Variants in FAM135B observed in about 807,000 individuals in gnomAD.
FAM135B encodes the protein family with sequence similarity 135 member B, also known as protein FAM135B.
In FAM135B, 43 loss-of-function variants were observed where a neutral mutation model predicts 127.7. The observed-to-expected ratio is 0.34, with a 90% CI of 0.26 to 0.43. The LOEUF (loss-of-function observed/expected upper bound fraction) is 0.43. FAM135B is among the 20% of genes least tolerant of loss of function. The pLI, the probability that FAM135B is intolerant of heterozygous loss-of-function variation, is 1.00. For synonymous variants in FAM135B, 670 were observed against 665.1 expected (o/e 1.01, Z -0.11); for missense variants, 1,558 against 1,725.6 (o/e 0.90, Z 1.72).
intron 11 of FAM135B, among the ~76,000 whole-genome samples, chr8:138,172,410 C>T (rs1351296807): frequency 6.6e-6 from 1 of 152,190 alleles, no homozygotes; most frequent in East Asian, 1.9e-4. Flanking sequence ...AATGCACTGT[C>T]CTCCTGGGCT....
chr8:138,489,358 G>T (rs1405675233), intron 1 of FAM135B, among the ~76,000 whole-genome samples: 11 of 152,102 alleles, frequency 7.2e-5, no homozygotes, highest in Non-Finnish European at 1.2e-4. Context: ...TGTATGTCAA[G>T]ATTCTACTGA....
rs546824082 is a variant in FAM135B at position 138,418,594 on chromosome 8, A to T, written c.-19-50592T>A. Among the ~76,000 whole-genome samples the T allele has an allele frequency of 1.7e-4, 26 of 152,272 alleles. 1 individual carries two copies. The South Asian group carries it at 5.2e-3, about 30-fold the overall frequency. The stretch of plus-strand genomic sequence containing the variant: ...AGGATCTCCATCAGACTACCAGCAG[A>T]ACTCTCAGCAAAAGCCTTACAAGAC... On this transcript the variant is annotated intron_variant, in intron 1 of 19. Transcript: ENST00000395297.
At position 138,478,822 on chromosome 8, in the gene FAM135B, A is replaced by T. The variant is rs149545641; in HGVS notation, c.-20+17849T>A. ...ACCATTTTTCAATACACTCACAGAT[A>T]AAACATCTCTGCCGGCAGATGTGTT... On this transcript the variant is annotated intron_variant, in intron 1 of 19. Coordinates refer to ENST00000395297, the MANE Select transcript of FAM135B (RefSeq NM_015912.4). 2.8e-3 allele frequency among the ~76,000 whole-genome samples: 420 copies of T among 152,336 alleles called. 3 individuals carry two copies. The highest frequency in any genetic ancestry group is 9.7e-3 in the African/African-American group (405 of 41,580).
chr8:138,445,430 C>T (rs1333090835), intron 1 of FAM135B, among the ~76,000 whole-genome samples: 1 of 152,160 alleles, frequency 6.6e-6, no homozygotes, highest in African/African-American at 2.4e-5. Context: ...CCAAATCCAG[C>T]AGCACATCAA....
Position 138,152,595 on chromosome 8 carries a change from T to C in FAM135B, c.1880A>G (p.Lys627Arg), listed in dbSNP as rs369582133. 1.2e-5 allele frequency: 19 copies of C among 1,614,104 alleles called. No homozygotes were observed. Among genetic ancestry groups the C allele is most frequent in the East Asian group, 4.5e-5 (2 of 44,872 alleles). Residue 627 changes from lysine to arginine, a missense_variant, in exon 13 of 20, where the codon AAG becomes AGG. Around this residue, in one of 5 missense-constraint regions of FAM135B, gnomAD observed 923 missense variants for 865.3 expected, o/e 1.07. Transcript: ENST00000395297. ...TLGKGIDQEG[K>R]MVLLSLKLTP... The stretch of plus-strand genomic sequence containing the variant: ...GAGTTTCAAGCTTAGCAGCACCATC[T>C]TCCCCTCTTGATCTATTCCCTTTCC...
At chr8:138,450,405 T>G (rs1836422277) in intron 1 of FAM135B, 1 of 152,220 alleles carries the variant, frequency 6.6e-6, no homozygotes, top group South Asian at 2.1e-4. Flanking sequence ...TATGCTTAGT[T>G]TTGTAAGGAA....
intron 1 of FAM135B, chr8:138,437,960 A>C (rs1313861206): frequency 2.0e-5 from 3 of 152,210 alleles, no homozygotes; most frequent in Non-Finnish European, 4.4e-5. Context: ...TGATGTGCTA[A>C]TGCTGAAATC....
intron 7 of FAM135B, among the ~76,000 whole-genome samples, chr8:138,210,174 T>C (rs911259686): frequency 1.4e-4 from 21 of 152,222 alleles, no homozygotes; most frequent in African/African-American, 4.6e-4. Flanking sequence ...TGTGTCTGTC[T>C]CTACTTTGAA....
At chr8:138,447,648 C>A (rs1836258584) in intron 1 of FAM135B, among the ~76,000 whole-genome samples, 2 of 112,408 alleles carry the variant, frequency 1.8e-5, no homozygotes, top group African/African-American at 3.7e-5. Flanking sequence ...ACACCGGGGC[C>A]TGTTGTGGGG....
chr8:138,328,937 T>A (rs919677517), intron 2 of FAM135B, among the ~76,000 whole-genome samples: 1 of 152,202 alleles, frequency 6.6e-6, no homozygotes, highest in Non-Finnish European at 1.5e-5. Context: ...AGAAAATGCA[T>A]GATGCCTAAC....
intron 11 of FAM135B, among the ~76,000 whole-genome samples, chr8:138,174,426 G>T (rs1313523807): frequency 6.6e-6 from 1 of 152,072 alleles, no homozygotes; most frequent in African/African-American, 2.4e-5. Context: ...TGCCAGCCCT[G>T]CATAGCCCCT....
Position 138,344,577 on chromosome 8 carries a change from C to CTTTTTT in FAM135B, c.77+23324_77+23329dup, listed in dbSNP as rs869039075. ...GTCTCTTGCTACACTTTCTTTCTTT[C>CTTTTTT]TTTTTTTTTTTTTTTTGTTAAGGAG... On this transcript the variant is annotated intron_variant, in intron 2 of 19. Transcript: ENST00000395297. Among the ~76,000 whole-genome samples, 339 of 83,928 alleles carry CTTTTTT rather than the reference C, an allele frequency of 4.0e-3. 9 individuals carry two copies. The highest frequency in any genetic ancestry group is 7.2e-3 in the East Asian group (26 of 3,636). The allele number at this position is 83,928 out of a possible 152,430, so 55.1% of individuals were successfully genotyped here.
chr8:138,274,089 C>A (rs1291382075), intron 3 of FAM135B, among the ~76,000 whole-genome samples: 1 of 152,204 alleles, frequency 6.6e-6, no homozygotes, highest in Non-Finnish European at 1.5e-5. Context: ...CTCCTCCTGT[C>A]TTACCCATAC....
At chr8:138,409,186 T>C (rs527601605) in intron 1 of FAM135B, among the ~76,000 whole-genome samples, 1 of 152,162 alleles carries the variant, frequency 6.6e-6, no homozygotes, top group Non-Finnish European at 1.5e-5. Context: ...TAGAGGACAC[T>C]GTAGGGTTAT....
chr8:138,377,664 G>A (rs903366885), intron 1 of FAM135B, among the ~76,000 whole-genome samples: 5 of 152,168 alleles, frequency 3.3e-5, no homozygotes, highest in African/African-American at 1.2e-4. Context: ...ATTTCAATGA[G>A]TTTTGGCAGA....
rs188432782 is a variant in FAM135B, at chr8:138,344,782, A to G, written c.77+23125T>C. 3.3e-3 allele frequency among the ~76,000 whole-genome samples: 499 copies of G among 152,054 alleles called. 21 individuals are homozygous for G. The East Asian group carries it at 0.081, about 25-fold the overall frequency. ...AGTAGAGACGGGGTTTCACCGTGTT[A>G]GCCAGGATGGTCTCGATCTCCTGAC... On this transcript the variant is annotated intron_variant, in intron 2 of 19. Transcript: ENST00000395297.
At position 138,310,824 on chromosome 8, in the gene FAM135B, G is replaced by A. The variant is rs763124953; in HGVS notation, c.157+17C>T. 7.4e-6 allele frequency: 12 copies of A among 1,611,754 alleles called. No individual in the cohort carries two copies. Among genetic ancestry groups the A allele is most frequent in the East Asian group, 2.3e-5 (1 of 44,356 alleles). ...CGCCATTGGGGGCAAGTGCCCCATTGCCATTCTTCTGCTCACCTGTCTGCC... is the reference window on the plus strand; with the variant it reads ...CGCCATTGGGGGCAAGTGCCCCATTACCATTCTTCTGCTCACCTGTCTGCC... On this transcript the variant is annotated intron_variant, in intron 3 of 19. Coordinates refer to ENST00000395297, the MANE Select transcript of FAM135B (RefSeq NM_015912.4).
chr8:138,203,573 C>T (rs1817319245), intron 7 of FAM135B, among the ~76,000 whole-genome samples: 1 of 152,148 alleles, frequency 6.6e-6, no homozygotes, highest in South Asian at 2.1e-4. Flanking sequence ...TGGGTCATAT[C>T]ATCATCCACT....
At chr8:138,339,940 G>A (rs1387598667) in intron 2 of FAM135B, among the ~76,000 whole-genome samples, 10 of 152,176 alleles carry the variant, frequency 6.6e-5, no homozygotes, top group Non-Finnish European at 1.5e-5. Flanking sequence ...ATCCGGTCCA[G>A]CCTGCAGTGG....
Sources: allele counts gnomAD v4.1 joint callset (sites outside exome capture counted in the v4.1 genomes callset), GRCh38; gene constraint gnomAD v4.1.1; regional missense constraint gnomAD v4.1.1; transcripts MANE v1.5; gene names NCBI Gene and HGNC (gene_info 2026-07-23, HGNC 2026-07-21).